The following CELF2 variants were observed in gnomAD, a reference collection of about 807,000 sequenced individuals.
The protein encoded by CELF2 is CUG triplet repeat RNA-binding protein 2.
CELF2 carries 8 observed loss-of-function variants against 62.6 expected under a neutral mutation model. The ratio of observed to expected loss-of-function variants is 0.13; its 90% confidence interval spans 0.07 to 0.23. The LOEUF (loss-of-function observed/expected upper bound fraction) is 0.23, where lower values mean the gene tolerates loss of function less well. Ranked by LOEUF, CELF2 falls within the 10% of genes least tolerant of loss-of-function variation. The probability of loss-of-function intolerance (pLI) is 1.00; values close to 1 mark genes in which losing one functional copy is unlikely to be tolerated. For missense variants in CELF2, 333 were observed against 671.0 expected (o/e 0.50, Z 5.56); for synonymous variants, 258 against 250.0 (o/e 1.03, Z -0.30).
At chr10:10,755,726 G>A in the CELF2 span, among the ~76,000 whole-genome samples, 1 of 152,296 alleles carries the variant, frequency 6.6e-6, no homozygotes, top group East Asian at 1.9e-4. Flanking sequence ...TCCTATGCTG[G>A]ATCTTAGTAC....
the CELF2 span, among the ~76,000 whole-genome samples, chr10:10,617,039 G>A: frequency 6.6e-6 from 1 of 152,110 alleles, no homozygotes; most frequent in African/African-American, 2.4e-5. Context: ...TTACAGGCAT[G>A]AGCCACTGAA....
intron 2 of CELF2, among the ~76,000 whole-genome samples, chr10:10,998,512 T>C (rs1198379449): frequency 6.6e-6 from 1 of 152,218 alleles, no homozygotes; most frequent in Non-Finnish European, 1.5e-5. Context: ...TATATCTCAT[T>C]AGGAACTGAT....
intron 2 of CELF2, among the ~76,000 whole-genome samples, chr10:11,210,217 A>T (rs1179759901): frequency 2.0e-5 from 3 of 152,216 alleles, no homozygotes; most frequent in African/African-American, 7.2e-5. Flanking sequence ...AAGAAAAAAT[A>T]TATAGAGAGC....
chr10:10,967,588 G>A (rs949284891), intron 2 of CELF2, among the ~76,000 whole-genome samples: 2 of 152,214 alleles, frequency 1.3e-5, no homozygotes, highest in African/African-American at 4.8e-5. Context: ...CCTGAGTGCA[G>A]GAAGGTGGGC....
chr10:11,255,771 A>G lies in CELF2; in HGVS notation c.404-1967A>G, dbSNP rs187440377. Among the ~76,000 whole-genome samples the G allele has an allele frequency of 2.6e-5, 4 of 152,260 alleles. No homozygotes were observed. In the East Asian group the frequency reaches 7.7e-4, roughly 29 times the overall value. ...CCATTTCTAGGAGAGAAAAGAGTCT[A>G]AACTTTCATTCCATGGATGACAAAA... is the stretch of plus-strand genomic sequence containing the variant. On this transcript the variant is annotated intron_variant, in intron 4 of 12. Transcript: ENST00000633077. This position sits in a 1 kb window ranked among gnomAD's most constrained non-coding sequence, Gnocchi z 5.5.
At chr10:10,485,226 A>G in the CELF2 span, among the ~76,000 whole-genome samples, 33 of 152,334 alleles carry the variant, frequency 2.2e-4, no homozygotes, top group African/African-American at 7.7e-4. Context: ...CTTGATTAAA[A>G]TGTTTAAGGC....
rs575647780 is a variant in CELF2 at position 11,229,305 on chromosome 10, TG to T, written c.354+11800del. ...TTCCATGACTTGAGGCTGTTGAACT[TG>T]GTGTTTTCTTTTTCTCATTTCCATT... On this transcript the variant is annotated intron_variant, in intron 3 of 12. Coordinates refer to ENST00000633077, the MANE Select transcript of CELF2 (RefSeq NM_001326342.2). Among the ~76,000 whole-genome samples, 20 of 152,344 alleles carry T rather than the reference TG, an allele frequency of 1.3e-4. No individual in the cohort carries two copies. In the South Asian group the frequency reaches 3.9e-3, roughly 30 times the overall value.
intron 3 of CELF2, among the ~76,000 whole-genome samples, chr10:11,239,111 A>G (rs1295311980): frequency 6.6e-6 from 1 of 152,230 alleles, no homozygotes; most frequent in Non-Finnish European, 1.5e-5. Flanking sequence ...TGATGACTTA[A>G]TCACCATAAC....
the CELF2 span, among the ~76,000 whole-genome samples, chr10:10,619,625 G>T: frequency 2.0e-5 from 3 of 152,214 alleles, no homozygotes; most frequent in African/African-American, 7.2e-5. Context: ...TGCCTGCCCT[G>T]GAAGGCGTAG....
chr10:11,086,610 A>AAAAAAAAAAAAAAAAT (rs1594927416), intron 1 of CELF2, among the ~76,000 whole-genome samples: 1 of 134,412 alleles, frequency 7.4e-6, no homozygotes, highest in African/African-American at 2.9e-5. Context: ...AAAAAAAAAA[A>AAAAAAAAAAAAAAAAT]CTCCCGACAG....
chr10:11,064,519 G>A (rs2067576669), intron 1 of CELF2, among the ~76,000 whole-genome samples: 1 of 152,198 alleles, frequency 6.6e-6, no homozygotes, highest in South Asian at 2.1e-4. Flanking sequence ...TGTGGAAGAA[G>A]TAATAGCTAA....
chr10:10,815,848 T>C (rs1367758268), intron 1 of CELF2, among the ~76,000 whole-genome samples: 1 of 151,254 alleles, frequency 6.6e-6, no homozygotes, highest in East Asian at 1.9e-4. Flanking sequence ...TCAAACACCA[T>C]AGAGAAAGTG....
At chr10:10,610,636 C>T in the CELF2 span, among the ~76,000 whole-genome samples, 4 of 152,132 alleles carry the variant, frequency 2.6e-5, no homozygotes, top group Admixed American at 6.5e-5. Context: ...AGCGGGTTTT[C>T]TTTAATTCAA....
At chr10:10,732,876 C>A in the CELF2 span, among the ~76,000 whole-genome samples, 8 of 152,214 alleles carry the variant, frequency 5.3e-5, no homozygotes, top group African/African-American at 1.7e-4. Context: ...CACCAACACA[C>A]AAGGAGCCAG....
At chr10:10,788,645 T>G in the CELF2 span, among the ~76,000 whole-genome samples, 1 of 151,812 alleles carries the variant, frequency 6.6e-6, no homozygotes, top group African/African-American at 2.4e-5. Flanking sequence ...GTATTTTTAG[T>G]ACAGATGGGG....
At chr10:11,093,472 G>C (rs1175239549) in intron 1 of CELF2, among the ~76,000 whole-genome samples, 1 of 152,180 alleles carries the variant, frequency 6.6e-6, no homozygotes, top group Non-Finnish European at 1.5e-5. Flanking sequence ...GGATGGAAAA[G>C]AGGAGGAAGA....
chr10:10,666,623 G>A, the CELF2 span, among the ~76,000 whole-genome samples: 1 of 75,968 alleles, frequency 1.3e-5, no homozygotes, highest in Non-Finnish European at 2.5e-5. Flanking sequence ...AGCACTTTGG[G>A]AGGCCGAGGC....
At chr10:10,479,425 C>T in the CELF2 span, among the ~76,000 whole-genome samples, 2 of 152,316 alleles carry the variant, frequency 1.3e-5, no homozygotes, top group East Asian at 1.9e-4. Context: ...CCTCGACCTC[C>T]CAAAGTGCTG....
the CELF2 span, among the ~76,000 whole-genome samples, chr10:10,506,025 A>G: frequency 6.6e-6 from 1 of 152,200 alleles, no homozygotes; most frequent in African/African-American, 2.4e-5. Flanking sequence ...AGACAAAGGA[A>G]TAAGGAAAAG....
Sources: gnomAD v4.1 joint callset for allele counts (sites outside exome capture counted in the v4.1 genomes callset) on GRCh38, gnomAD v4.1.1 for gene constraint, Gnocchi (gnomAD v3.1) non-coding constraint, MANE v1.5 for transcripts, NCBI Gene and HGNC (gene_info 2026-07-23, HGNC 2026-07-21) for gene names.